METTL9: variants seen among roughly 807,000 people sequenced by gnomAD.
METTL9 encodes the protein protein-L-histidine N-pros-methyltransferase.
METTL9 carries 10 observed loss-of-function variants against 36.0 expected under a neutral mutation model. The ratio of observed to expected loss-of-function variants is 0.28; its 90% confidence interval spans 0.17 to 0.47. The LOEUF (loss-of-function observed/expected upper bound fraction) is 0.47, where lower values mean the gene tolerates loss of function less well. Ranked by LOEUF, METTL9 falls within the 20% of genes least tolerant of loss-of-function variation. METTL9 has a pLI of 0.99. For missense variants in METTL9, 246 were observed against 383.5 expected (o/e 0.64, Z 3.00); for synonymous variants, 175 against 149.7 (o/e 1.17, Z -1.23).
At chr16:21,648,568 G>A (rs961613494) in intron 4 of METTL9, among the ~76,000 whole-genome samples, 1 of 152,336 alleles carries the variant, frequency 6.6e-6, no homozygotes, top group African/African-American at 2.4e-5. Flanking sequence ...TGTCCACCAT[G>A]TGGTGCTCTT....
At chr16:21,630,025 C>A (rs1172745869) in intron 4 of METTL9, among the ~76,000 whole-genome samples, 1 of 152,204 alleles carries the variant, frequency 6.6e-6, no homozygotes, top group Non-Finnish European at 1.5e-5. Context: ...ATTAGCTAGA[C>A]ACAGAGTGCT....
chr16:21,625,317 T>TG, intron 4 of METTL9: 2 of 571,340 alleles, frequency 3.5e-6, no homozygotes, highest in Non-Finnish European at 6.2e-6. Context: ...GCATTCCCCT[T>TG]GCAGTGGTAA....
rs768017382 is a variant in METTL9, at chr16:21,625,018, C to T, written c.654C>T (p.Pro218=). 3.1e-6 allele frequency: 5 copies of T among 1,614,154 alleles called. No individual in the cohort carries two copies. The highest frequency in any genetic ancestry group is 4.2e-6 in the Non-Finnish European group (5 of 1,180,020). Residue 218 remains proline, a synonymous_variant, in exon 4 of 5, where the codon CCC becomes CCT. Transcript: ENST00000358154. ...CLNLLDRCDQ[P]LTLLKDIRSV... is the part of the protein sequence containing the mutation. ...ACTTGCTGGACCGCTGTGATCAGCCCCTGACTTTGTTAAAAGATATCAGAA... is the reference window on the plus strand; with the variant it reads ...ACTTGCTGGACCGCTGTGATCAGCCTCTGACTTTGTTAAAAGATATCAGAA...
At position 21,616,837 on chromosome 16, in the gene METTL9, G is replaced by A. The variant is rs75566666; in HGVS notation, c.357-1028G>A. Among the ~76,000 whole-genome samples the A allele has an allele frequency of 1.1e-4, 16 of 151,656 alleles. No individual in the cohort carries two copies. In the East Asian group the frequency reaches 2.7e-3, roughly 26 times the overall value. On this transcript the variant is annotated intron_variant, in intron 2 of 4. Transcript: ENST00000358154. ...TGAAATCACTTTTTTTTCCTATTTG[G>A]TTTCTCTGCTACTGTGGTCTGGCTG...
rs57388340 is a variant in METTL9 at position 21,613,168 on chromosome 16, CTTTTTTTT to C, written c.356+362_356+369del. Among the ~76,000 whole-genome samples, 491 of 91,298 alleles carry C rather than the reference CTTTTTTTT, an allele frequency of 5.4e-3. 8 individuals are homozygous for C. The highest frequency in any genetic ancestry group is 0.025 in the African/African-American group (459 of 18,404). The allele number at this position is 91,298 out of a possible 152,430, so 59.9% of individuals were successfully genotyped here. On this transcript the variant is annotated intron_variant, in intron 2 of 4. Transcript: ENST00000358154. Reference sequence around the variant, plus strand: ...ATCAGGGGCTAGGTCTGAGAGTCTGCTTTTTTTTTTTTTTTTTTTTTTTTTTTTTTTTT... The same window carrying C: ...ATCAGGGGCTAGGTCTGAGAGTCTGCTTTTTTTTTTTTTTTTTTTTTTTTT...
At chr16:21,643,716 A>G (rs1268330434) in intron 4 of METTL9, 1 of 644,548 alleles carries the variant, frequency 1.6e-6, no homozygotes, top group African/African-American at 1.9e-5. Flanking sequence ...ATACAATGAG[A>G]CTTAATTTTT....
chr16:21,650,971 C>G (rs988595674), intron 4 of METTL9, among the ~76,000 whole-genome samples: 1 of 152,178 alleles, frequency 6.6e-6, no homozygotes, highest in Non-Finnish European at 1.5e-5. Context: ...TGCCTGTAAT[C>G]CCAGCATTAT....
chr16:21,606,460 C>T (rs769329990), intron 1 of METTL9, among the ~76,000 whole-genome samples: 3 of 152,036 alleles, frequency 2.0e-5, no homozygotes, highest in Non-Finnish European at 4.4e-5. Flanking sequence ...TGTAGAGTTT[C>T]TCTTTCCTCT....
At chr16:21,654,975 A>G in intron 4 of METTL9, 1 of 509,390 alleles carries the variant, frequency 2.0e-6, no homozygotes. Context: ...GGATCCAGAC[A>G]AACCTGGGCT....
intron 1 of METTL9, among the ~76,000 whole-genome samples, chr16:21,607,716 G>T (rs1302623426): frequency 6.6e-6 from 1 of 152,202 alleles, no homozygotes; most frequent in Non-Finnish European, 1.5e-5. Context: ...TTTCAGACAT[G>T]GTAGGCTCCA....
intron 4 of METTL9, among the ~76,000 whole-genome samples, chr16:21,650,453 A>G (rs1966539584): frequency 6.8e-6 from 1 of 147,042 alleles, no homozygotes; most frequent in Non-Finnish European, 1.5e-5. Flanking sequence ...GGTTGCAGTG[A>G]GCTGAGATTG....
At chr16:21,654,154 GC>G (rs1966652229) in intron 4 of METTL9, 1 of 146,058 alleles carries the variant, frequency 6.8e-6, no homozygotes, top group South Asian at 2.1e-4. Context: ...CCATTCTCCT[GC>G]CTCAGCCTCC....
chr16:21,648,830 C>G (rs1028822731), intron 4 of METTL9, among the ~76,000 whole-genome samples: 1 of 152,190 alleles, frequency 6.6e-6, no homozygotes, highest in Non-Finnish European at 1.5e-5. Context: ...GTAAATGAAA[C>G]TGAAAAGTCA....
intron 4 of METTL9, among the ~76,000 whole-genome samples, chr16:21,636,830 C>T (rs1966107941): frequency 6.6e-6 from 1 of 152,148 alleles, no homozygotes; most frequent in African/African-American, 2.4e-5. Flanking sequence ...AGCCCCCGAA[C>T]TCTAAGGAAA....
In METTL9 at chr16:21,655,674, A is replaced by G. The variant is rs1411305956; in HGVS notation, c.*242A>G. 4.0e-5 allele frequency: 18 copies of G among 452,428 alleles called. No homozygotes were observed. Among genetic ancestry groups the G allele is most frequent in the Admixed American group, 7.9e-5 (2 of 25,344 alleles). The allele number at this position is 452,428 out of a possible 1,614,324, so 28.0% of individuals were successfully genotyped here. On this transcript the variant is annotated 3_prime_UTR_variant, in exon 5 of 5. Coordinates refer to ENST00000358154, the MANE Select transcript of METTL9 (RefSeq NM_016025.5). The stretch of plus-strand genomic sequence containing the variant: ...ACTCTTTACTCAGAGCCACTCTCCA[A>G]TGCAGGTCACACTCCAATTATGATG...
chr16:21,630,675 C>T (rs1309938365), intron 4 of METTL9, among the ~76,000 whole-genome samples: 1 of 152,136 alleles, frequency 6.6e-6, no homozygotes, highest in Non-Finnish European at 1.5e-5. Context: ...GTCCAGGGGT[C>T]CTCGGTAGAA....
At chr16:21,632,929 G>A (rs1415482923) in intron 4 of METTL9, among the ~76,000 whole-genome samples, 1 of 152,130 alleles carries the variant, frequency 6.6e-6, no homozygotes, top group Non-Finnish European at 1.5e-5. Context: ...CTGTGGGAAG[G>A]CTTAAAGTCA....
chr16:21,647,023 G>A, intron 4 of METTL9: 1 of 1,392,976 alleles, frequency 7.2e-7, no homozygotes, highest in Non-Finnish European at 1.0e-6. Context: ...ACTGGCTAGG[G>A]TATTAACTTA....
intron 1 of METTL9, among the ~76,000 whole-genome samples, chr16:21,600,299 C>G (rs762938509): frequency 5.3e-5 from 8 of 152,178 alleles, no homozygotes. Context: ...CGGCCAGATC[C>G]ATTACCCCGA....
Sources: allele counts gnomAD v4.1 joint callset (sites outside exome capture counted in the v4.1 genomes callset), GRCh38; gene constraint gnomAD v4.1.1; transcripts MANE v1.5; gene names NCBI Gene and HGNC (gene_info 2026-07-23, HGNC 2026-07-21).